Variants in ANK2 observed in about 807,000 individuals in gnomAD.
ANK2 encodes the protein ankyrin 2.
ANK2 carries 83 observed loss-of-function variants against 360.5 expected under a neutral mutation model. The ratio of observed to expected loss-of-function variants is 0.23; its 90% CI spans 0.19 to 0.28. ANK2 has a LOEUF of 0.28. ANK2 is among the 10% of genes least tolerant of loss of function. ANK2 has a pLI of 1.00. For synonymous variants in ANK2, 1,740 were observed against 1,759.5 expected, an observed-to-expected ratio of 0.99 and a Z score of 0.28; for missense variants, 4,201 against 4,795.7, an observed-to-expected ratio of 0.88 and a Z score of 3.66.
chr4:113,199,104 T>A lies in ANK2; in HGVS notation c.379T>A (p.Ser127Thr), dbSNP rs778452771. 2 of 1,605,776 alleles carry A rather than the reference T, an allele frequency of 1.2e-6. No homozygotes were observed. The highest frequency in any genetic ancestry group is 3.3e-5 in the Admixed American group (2 of 59,994). ...GGAAGGAGCCAATATTAATGCACAG[T>A]CTCAGGTATTCCATTCAGATTTTCC... ...VKEGANINAQ[S>T]QNGFTPLYMA... Residue 127 changes from serine to threonine, a missense_variant, in exon 4 of 46, where the codon TCT becomes ACT. Physicochemically the swap from Ser to Thr is moderately conservative, Grantham distance 58 (BLOSUM62 1). This residue lies in a region of ANK2 where 169 missense variants were observed against 191.1 expected (regional missense o/e 0.88). Coordinates refer to ENST00000357077, the MANE Select transcript of ANK2 (RefSeq NM_001148.6).
the ANK2 span, among the ~76,000 whole-genome samples, chr4:112,712,410 T>A: frequency 0.032 from 3,888 of 120,502 alleles, 139 homozygotes; most frequent in African/African-American, 0.12. Flanking sequence ...ATATATATTT[T>A]TTTTTTTTTT....
At chr4:112,755,602 AC>A in the ANK2 span, among the ~76,000 whole-genome samples, 3 of 152,150 alleles carry the variant, frequency 2.0e-5, no homozygotes, top group African/African-American at 7.2e-5. Flanking sequence ...GGGGGAGATT[AC>A]AAAGTACATT....
chr4:113,267,816 A>G (rs1394785321), intron 14 of ANK2, among the ~76,000 whole-genome samples: 1 of 152,186 alleles, frequency 6.6e-6, no homozygotes, highest in African/African-American at 2.4e-5. Flanking sequence ...TGGGGATAGC[A>G]TTGAATCTAT....
the ANK2 span, among the ~76,000 whole-genome samples, chr4:112,727,772 A>G: frequency 1.3e-5 from 2 of 152,160 alleles, no homozygotes; most frequent in African/African-American, 4.8e-5. Context: ...TGAGGTCGGG[A>G]GTTTGAGATC....
At chr4:113,054,923 C>G (rs930910830) in intron 1 of ANK2, among the ~76,000 whole-genome samples, 1 of 152,108 alleles carries the variant, frequency 6.6e-6, no homozygotes, top group African/African-American at 2.4e-5. Context: ...ACTAATTTAT[C>G]CTTTTTAGAG....
chr4:113,237,721 T>C (rs1397729476), intron 7 of ANK2, 99 bp downstream of exon 7: 1 of 1,117,626 alleles, frequency 8.9e-7, no homozygotes, highest in Non-Finnish European at 1.4e-6. Flanking sequence ...TGATTAGAAG[T>C]TTGATTAATG....
intron 2 of ANK2, among the ~76,000 whole-genome samples, chr4:113,016,455 A>G (rs1471941821): frequency 1.3e-5 from 2 of 152,136 alleles, no homozygotes; most frequent in Non-Finnish European, 2.9e-5. Flanking sequence ...ATTTTTGGCA[A>G]CTATCCTTTC....
chr4:113,189,885 C>G (rs1360700250), intron 2 of ANK2, among the ~76,000 whole-genome samples: 6 of 152,066 alleles, frequency 3.9e-5, no homozygotes, highest in Non-Finnish European at 7.4e-5. Context: ...TTTTAATGCC[C>G]TCTTTTAAGA....
intron 26 of ANK2, among the ~76,000 whole-genome samples, chr4:113,321,860 G>A (rs544487111): frequency 6.6e-6 from 1 of 152,268 alleles, no homozygotes; most frequent in East Asian, 1.9e-4. Context: ...AGCCTCCTGA[G>A]TAGCTGGTAC....
At chr4:113,095,365 A>G (rs530571948) in intron 1 of ANK2, among the ~76,000 whole-genome samples, 4 of 152,140 alleles carry the variant, frequency 2.6e-5, no homozygotes, top group Middle Eastern at 3.4e-3. Flanking sequence ...TAATTTGGTT[A>G]TATACTCCAA....
chr4:113,066,170 A>T (rs2075523943), intron 1 of ANK2, among the ~76,000 whole-genome samples: 1 of 152,146 alleles, frequency 6.6e-6, no homozygotes, highest in African/African-American at 2.4e-5. Context: ...CCTTGATTCA[A>T]GTACCCTCCC....
chr4:113,023,851 G>T (rs1166472712), intron 2 of ANK2, among the ~76,000 whole-genome samples: 3 of 151,700 alleles, frequency 2.0e-5, no homozygotes, highest in African/African-American at 7.3e-5. Context: ...TAATTTTTTT[G>T]ATTTAATCGT....
At chr4:113,292,993 A>G (rs939067099) in intron 21 of ANK2, 10 of 356,312 alleles carry the variant, frequency 2.8e-5, no homozygotes, top group Non-Finnish European at 4.9e-5. Context: ...TTTGCTGCAC[A>G]GTGAGCTTCT....
chr4:112,978,326 C>CT (rs1033254476), intron 2 of ANK2, among the ~76,000 whole-genome samples: 2 of 152,118 alleles, frequency 1.3e-5, no homozygotes, highest in African/African-American at 4.8e-5. Context: ...TTTTGTTCCA[C>CT]TTTTTTGTAT....
chr4:112,983,524 A>T (rs986559622), intron 2 of ANK2, among the ~76,000 whole-genome samples: 2 of 152,006 alleles, frequency 1.3e-5, no homozygotes, highest in Non-Finnish European at 2.9e-5. Flanking sequence ...TAAAAAAAAA[A>T]TACAAAATTA....
At chr4:112,813,567 A>C (rs935092105), upstream of ANK2, among the ~76,000 whole-genome samples, 1 of 151,864 alleles carries the variant, frequency 6.6e-6, no homozygotes, top group Admixed American at 6.6e-5. Flanking sequence ...ACAGGGTCTC[A>C]CTCTGCCACC....
intron 5 of ANK2, among the ~76,000 whole-genome samples, chr4:113,233,021 A>T (rs1453072869): frequency 6.7e-6 from 1 of 148,164 alleles, no homozygotes; most frequent in African/African-American, 2.5e-5. Flanking sequence ...GGAGTGGGCG[A>T]CATGGAAGAG....
At chr4:113,216,362 A>G (rs757412896) in intron 4 of ANK2, among the ~76,000 whole-genome samples, 1 of 152,244 alleles carries the variant, frequency 6.6e-6, no homozygotes, top group South Asian at 2.1e-4. Flanking sequence ...GAAGCACTAT[A>G]TATTGACATA....
chr4:112,743,851 ATTTTCTTTTT>A, the ANK2 span, among the ~76,000 whole-genome samples: 2 of 130,856 alleles, frequency 1.5e-5, no homozygotes, highest in East Asian at 2.3e-4. Flanking sequence ...GGCCTCTTTT[ATTTTCTTTTT>A]TTTTCTCCAC....
Sources: allele counts gnomAD v4.1 joint callset (sites outside exome capture counted in the v4.1 genomes callset), GRCh38; gene constraint gnomAD v4.1.1; regional missense constraint gnomAD v4.1.1; transcripts MANE v1.5; gene names NCBI Gene and HGNC (gene_info 2026-07-23, HGNC 2026-07-21).